Variants in PRR14 observed in about 807,000 individuals in gnomAD.
PRR14 encodes proline-rich protein 14.
PRR14 carries 33 observed loss-of-function variants against 57.2 expected under a neutral mutation model. That is an observed-to-expected ratio of 0.58 (90% CI 0.44 to 0.77). The LOEUF (loss-of-function observed/expected upper bound fraction) is 0.77, where lower values mean the gene tolerates loss of function less well. Among genes scored for constraint, PRR14 ranks in the 30% least tolerant of loss-of-function variants. The pLI is 0.00. For synonymous variants in PRR14, 303 were observed against 314.7 expected, an observed-to-expected ratio of 0.96 and a Z score of 0.39; for missense variants, 716 against 788.1, an observed-to-expected ratio of 0.91 and a Z score of 1.10.
At position 30,653,013 on chromosome 16, in the gene PRR14, G is replaced by C. The variant is rs1412496638; in HGVS notation, c.414G>C (p.Glu138Asp). The change falls in exon 5 of 12, where the codon GAG becomes GAC. Residue 138 changes from glutamate to aspartate, a missense_variant. Glu to Asp is a conservative substitution (Grantham distance 45). Transcript: ENST00000300835. ...RRRSRTTPGP[E>D]EGPSQKVDRA... ...GATCAAGGACAACCCCTGGCCCAGAGGAGGGCCCTTCACAAAAGGTGGACC... is the reference window on the plus strand; with the variant it reads ...GATCAAGGACAACCCCTGGCCCAGACGAGGGCCCTTCACAAAAGGTGGACC... 6.2e-7 allele frequency: 1 copy of C among 1,613,998 alleles called. No individual in the cohort carries two copies. The highest frequency in any genetic ancestry group is 2.2e-5 in the East Asian group (1 of 44,894).
At chr16:30,652,480 C>A in intron 3 of PRR14, 1 of 609,102 alleles carries the variant, frequency 1.6e-6, no homozygotes, top group East Asian at 2.8e-5. Context: ...CTAGCTCACC[C>A]TGTCTTTTTC....
At chr16:30,654,585 C>A in intron 7 of PRR14, 44 bp from the exon 8 acceptor site, 1 of 1,466,894 alleles carries the variant, frequency 6.8e-7, no homozygotes, top group Non-Finnish European at 9.3e-7. Context: ...GGCTGAGACA[C>A]TGCAGCCAAG....
rs2052370644 is a variant in PRR14, at chr16:30,656,185, G to A, written c.1632G>A (p.Arg544=). ...PSRGVRAAGG[R]TVPPNVAPSP... ...GTGGGGTCCGGGCTGCAGGGGGCAG[G>A]ACTGTTCCTCCCAATGTGGCCCCCA... Residue 544 remains arginine (R), a synonymous_variant, in exon 12 of 12, where the codon AGG becomes AGA. Transcript: ENST00000300835. The A allele has an allele frequency of 1.1e-5, 17 of 1,611,048 alleles. No homozygotes were observed. Among genetic ancestry groups the A allele is most frequent in the Non-Finnish European group, 1.4e-5 (16 of 1,178,982 alleles).
Position 30,656,178 on chromosome 16 carries a change from G to C in PRR14, c.1625G>C (p.Gly542Ala), listed in dbSNP as rs762052994. ...CCGTCCCGTGGGGTCCGGGCTGCAGGGGGCAGGACTGTTCCTCCCAATGTG... is the reference window on the plus strand; with the variant it reads ...CCGTCCCGTGGGGTCCGGGCTGCAGCGGGCAGGACTGTTCCTCCCAATGTG... The part of the protein sequence containing the change: ...RRPSRGVRAA[G>A]GRTVPPNVAP... The change falls in exon 12 of 12, where the codon GGG becomes GCG. Residue 542 changes from glycine to alanine, a missense_variant. Transcript: ENST00000300835. The C allele has an allele frequency of 3.1e-6, 5 of 1,603,232 alleles. No homozygotes were observed. Among genetic ancestry groups the C allele is most frequent in the African/African-American group, 2.7e-5 (2 of 74,198 alleles).
At chr16:30,650,898 C>A, upstream of PRR14, 2 of 419,500 alleles carry the variant, frequency 4.8e-6, no homozygotes, top group Non-Finnish European at 9.9e-6. Flanking sequence ...TGGTCCCGGG[C>A]CGGGGGAGAC....
Position 30,656,308 on chromosome 16 carries a change from C to CT in PRR14, c.1756dup (p.Ter586LeufsTer11). On this transcript the variant is annotated frameshift_variant, in exon 12 of 12. Transcript: ENST00000300835. LOFTEE classifies it high-confidence loss of function. ...TAGATCGGGAGCAGCCCCACTGGAC[C>CT]TAGGTGCCCCATCTGTTGGTCATCC... 1 of 1,609,098 alleles carries CT rather than the reference C, an allele frequency of 6.2e-7. No homozygotes were observed. The highest frequency in any genetic ancestry group is 8.5e-7 in the Non-Finnish European group (1 of 1,179,020).
chr16:30,652,136 C>T, intron 3 of PRR14, 172 bp downstream of exon 3: 1 of 746,008 alleles, frequency 1.3e-6, no homozygotes, highest in Non-Finnish European at 2.1e-6. Context: ...TTACTCCAAC[C>T]TAGAATTGGG....
intron 6 of PRR14, 40 bp from the exon 7 acceptor site, chr16:30,654,190 C>A: frequency 6.8e-7 from 1 of 1,467,528 alleles, no homozygotes; most frequent in Non-Finnish European, 9.5e-7. Context: ...GGTGGGATAC[C>A]TGGAAGTTCC....
At position 30,655,879 on chromosome 16, in the gene PRR14, A is replaced by G. The variant is rs769362339; in HGVS notation, c.1418A>G (p.Lys473Arg). 3 of 1,614,180 alleles carry G rather than the reference A, an allele frequency of 1.9e-6. No homozygotes were observed. The highest frequency in any genetic ancestry group is 2.2e-5 in the South Asian group (2 of 91,088). Reference protein sequence around the residue: ...GLPRPIRLNKKEFSLEEIYTN... With the variant: ...GLPRPIRLNKREFSLEEIYTN... ...CTCTTTGCTCACAGGTTGAACAAGA[A>G]GGAGTTCAGCTTGGAAGAAATTTAC... Residue 473 changes from lysine to arginine, a missense_variant, in exon 11 of 12, where the codon AAG (lysine) becomes AGG (arginine). Transcript: ENST00000300835. This position sits in a 1 kb window ranked among gnomAD's most constrained non-coding sequence, Gnocchi z 4.6.
At chr16:30,650,829 C>A (rs987535610), upstream of PRR14, 8 of 328,666 alleles carry the variant, frequency 2.4e-5, no homozygotes, top group Non-Finnish European at 4.5e-5. Flanking sequence ...TGGGGGAGGG[C>A]AAGGAGTGGC....
chr16:30,652,080 G>C (rs2052319401), intron 3 of PRR14, 116 bp downstream of exon 3: 1 of 1,192,946 alleles, frequency 8.4e-7, no homozygotes, highest in African/African-American at 1.5e-5. Context: ...GTTGTACTCA[G>C]CCCTCAGGCA....
rs73536439 is a variant in PRR14 at position 30,654,612 on chromosome 16, C to T, written c.659-17C>T. ...GCAGCCAAGGAATATCCACCTGTGA[C>T]CCTCTCCTTTCCTCAGCCCCAGATC... On this transcript the variant is annotated splice_polypyrimidine_tract_variant and intron_variant, in intron 7 of 11. Coordinates refer to ENST00000300835, the MANE Select transcript of PRR14 (RefSeq NM_024031.5). The T allele has an allele frequency of 1.1e-3, 1,718 of 1,572,490 alleles. 17 individuals are homozygous for T. The African/African-American group carries it at 0.02, about 19-fold the overall frequency.
intron 6 of PRR14, 120 bp downstream of exon 6, chr16:30,653,528 C>T (rs2052335118): frequency 9.1e-7 from 1 of 1,095,972 alleles, no homozygotes; most frequent in East Asian, 2.4e-5. Context: ...CTTAAAAAGC[C>T]TTAAGGGGCC....
At chr16:30,653,212 G>A (rs2052331899) in intron 5 of PRR14, 109 bp downstream of exon 5, 1 of 1,369,676 alleles carries the variant, frequency 7.3e-7, no homozygotes, top group Non-Finnish European at 1.0e-6. Flanking sequence ...GAGGAGGATG[G>A]CATTTTAGGC....
In PRR14 at chr16:30,651,287, T is replaced by G. The variant is rs2052308661; in HGVS notation, c.-51+160T>G. Reference sequence around the variant, plus strand: ...TAGCCTCCCAGGACCGGGATCCCCGTGGATCCCGGGGGATCTCGGGGCATA... The same window carrying G: ...TAGCCTCCCAGGACCGGGATCCCCGGGGATCCCGGGGGATCTCGGGGCATA... On this transcript the variant is annotated intron_variant, in intron 1 of 11. Coordinates refer to ENST00000300835, the MANE Select transcript of PRR14 (RefSeq NM_024031.5). The surrounding 1 kb of genome is among the most constrained non-coding windows in gnomAD (Gnocchi z 5.0). 17 of 347,392 alleles carry G rather than the reference T, an allele frequency of 4.9e-5. No individual in the cohort carries two copies. Among genetic ancestry groups the G allele is most frequent in the South Asian group, 4.3e-4 (16 of 36,890 alleles). 21.5% of individuals were successfully genotyped at this position (347,392 alleles called of 1,614,324 possible). A position where few individuals can be genotyped will look rare whatever the true frequency, so the allele number is the denominator to read the frequency against.
At chr16:30,654,371 T>G in intron 7 of PRR14, 32 bp downstream of exon 7, 1 of 1,533,076 alleles carries the variant, frequency 6.5e-7, no homozygotes, top group Non-Finnish European at 9.0e-7. Flanking sequence ...GGATGAGACT[T>G]GGGTGTCTGG....
At position 30,651,750 on chromosome 16, in the gene PRR14, C is replaced by T. The variant is rs2052315110; in HGVS notation, c.24-46C>T. 6.2e-7 allele frequency: 1 copy of T among 1,610,970 alleles called. No individual in the cohort carries two copies. Among genetic ancestry groups the T allele is most frequent in the South Asian group, 1.1e-5 (1 of 91,084 alleles). ...CGACCGTGCCGGGAAACTACAGAGC[C>T]AGCGACAGGTTCGGGCGACCGTCCT... is the stretch of plus-strand genomic sequence containing the variant. On this transcript the variant is annotated intron_variant, in intron 2 of 11. Transcript: ENST00000300835. The surrounding 1 kb of genome is among the most constrained non-coding windows in gnomAD (Gnocchi z 5.0).
In PRR14 at chr16:30,654,325, A is replaced by C. The variant is rs1482084074; in HGVS notation, c.644A>C (p.Glu215Ala). 6.2e-7 allele frequency: 1 copy of C among 1,613,536 alleles called. No homozygotes were observed. Among genetic ancestry groups the C allele is most frequent in the South Asian group, 1.1e-5 (1 of 91,076 alleles). The change falls in exon 7 of 12, where the codon GAG (glutamate) becomes GCG (alanine). Residue 215 changes from glutamate (E) to alanine (A), a missense_variant. By Grantham distance (107) the Glu-to-Ala change is moderately radical. Transcript: ENST00000300835. ...TCTGCTCTGCCTGCAGACCCTCTGG[A>C]GAGCCCACCAACAGGTAAGGACTTG... The part of the protein sequence containing the change: ...QPSALPADPL[E>A]SPPTAPDPAL...
chr16:30,655,722 G>C lies in PRR14; in HGVS notation c.1406+129G>C, dbSNP rs368567041. 1 of 1,296,862 alleles carries C rather than the reference G, an allele frequency of 7.7e-7. No individual in the cohort carries two copies. The highest frequency in any genetic ancestry group is 1.1e-6 in the Non-Finnish European group (1 of 898,932). 80.3% of individuals were successfully genotyped at this position (1,296,862 alleles called of 1,614,324 possible). On this transcript the variant is annotated intron_variant, in intron 10 of 11. Transcript: ENST00000300835. This position sits in a 1 kb window ranked among gnomAD's most constrained non-coding sequence, Gnocchi z 4.6. ...AAAGATTCAATTCGGTGTGGGGATG[G>C]TTTGTGCTCAAAATTGCCTGTCTGC...
Sources: allele counts gnomAD v4.1 joint callset, GRCh38; gene constraint gnomAD v4.1.1; non-coding constraint Gnocchi (gnomAD v3.1); transcripts MANE v1.5; gene names NCBI Gene and HGNC (gene_info 2026-07-23, HGNC 2026-07-21).